KCNB2: variants seen among roughly 807,000 people sequenced by gnomAD.
KCNB2 encodes the protein potassium voltage-gated channel subfamily B member 2, also known as delayed rectifier potassium channel protein.
KCNB2 carries 15 observed loss-of-function variants against 61.5 expected under a neutral mutation model. That is an observed-to-expected ratio of 0.24 (90% CI 0.16 to 0.38). KCNB2 has a LOEUF of 0.38. Among genes scored for constraint, KCNB2 ranks in the 10% least tolerant of loss-of-function variants. The pLI, the probability that KCNB2 is intolerant of heterozygous loss-of-function variation, is 1.00. For missense variants in KCNB2, 828 were observed against 1,125.2 expected (o/e 0.74, Z 3.78); for synonymous variants, 457 against 446.0 (o/e 1.02, Z -0.31).
At chr8:72,702,420 T>C (rs1041514817) in intron 2 of KCNB2, among the ~76,000 whole-genome samples, 1 of 152,164 alleles carries the variant, frequency 6.6e-6, no homozygotes, top group East Asian at 1.9e-4. Flanking sequence ...TGTACCAGTA[T>C]CCTAAAATTA....
intron 2 of KCNB2, among the ~76,000 whole-genome samples, chr8:72,836,684 G>A (rs558639924): frequency 6.6e-5 from 10 of 152,320 alleles, no homozygotes; most frequent in African/African-American, 2.4e-4. Flanking sequence ...GCAGAAGCAG[G>A]TGGATTGCCT....
intron 2 of KCNB2, among the ~76,000 whole-genome samples, chr8:72,871,241 A>AT (rs1284915075): frequency 1.3e-5 from 2 of 152,220 alleles, no homozygotes; most frequent in Non-Finnish European, 2.9e-5. Context: ...TACCAAAGAA[A>AT]TTGAAAAATT....
intron 2 of KCNB2, among the ~76,000 whole-genome samples, chr8:72,904,163 G>C (rs1806132980): frequency 1.3e-5 from 2 of 151,830 alleles, no homozygotes; most frequent in Admixed American, 6.6e-5. Flanking sequence ...ATAGAAGTTG[G>C]CTGCATCACC....
chr8:72,805,836 A>C (rs2129000109), intron 2 of KCNB2, among the ~76,000 whole-genome samples: 1 of 152,284 alleles, frequency 6.6e-6, no homozygotes, highest in East Asian at 1.9e-4. Context: ...CCTTTGTGCA[A>C]AAAGAGACCT....
chr8:72,551,819 A>G (rs1316717616), intron 1 of KCNB2, among the ~76,000 whole-genome samples: 1 of 152,172 alleles, frequency 6.6e-6, no homozygotes, highest in African/African-American at 2.4e-5. Context: ...TGCTGCTTTC[A>G]TGCACTTCTT....
intron 2 of KCNB2, among the ~76,000 whole-genome samples, chr8:72,627,091 G>A (rs1805802762): frequency 6.6e-6 from 1 of 152,100 alleles, no homozygotes; most frequent in African/African-American, 2.4e-5. Context: ...AATTCTAAAA[G>A]CTCATGCCAA....
intron 2 of KCNB2, among the ~76,000 whole-genome samples, chr8:72,599,571 A>G (rs1807256814): frequency 6.6e-6 from 1 of 152,200 alleles, no homozygotes; most frequent in Non-Finnish European, 1.5e-5. Context: ...AGCAAAAGCA[A>G]TGGCAACAAA....
At chr8:72,720,681 T>A (rs1807534115) in intron 2 of KCNB2, among the ~76,000 whole-genome samples, 1 of 152,196 alleles carries the variant, frequency 6.6e-6, no homozygotes, top group Non-Finnish European at 1.5e-5. Context: ...GCACAGTGAC[T>A]AGCACATAGT....
At chr8:72,774,377 G>C (rs897379515) in intron 2 of KCNB2, among the ~76,000 whole-genome samples, 1 of 152,074 alleles carries the variant, frequency 6.6e-6, no homozygotes, top group African/African-American at 2.4e-5. Context: ...TTGAGACAGA[G>C]TCTTCCTTTG....
intron 2 of KCNB2, among the ~76,000 whole-genome samples, chr8:72,668,817 G>T (rs546015800): frequency 3.6e-4 from 54 of 151,942 alleles, no homozygotes; most frequent in Non-Finnish European, 2.4e-4. Context: ...ATGAGGACAG[G>T]GTTCATGTTA....
chr8:72,906,256 T>C (rs1283113698), intron 2 of KCNB2, among the ~76,000 whole-genome samples: 1 of 152,176 alleles, frequency 6.6e-6, no homozygotes, highest in East Asian at 1.9e-4. Flanking sequence ...GTTTAATTTA[T>C]TTAGCCATGT....
intron 2 of KCNB2, among the ~76,000 whole-genome samples, chr8:72,801,949 C>T (rs1316314727): frequency 2.0e-5 from 3 of 152,112 alleles, no homozygotes; most frequent in African/African-American, 7.2e-5. Flanking sequence ...AAGGGAAAAA[C>T]TTAACATTTA....
chr8:72,622,958 T>C (rs1437101911), intron 2 of KCNB2, among the ~76,000 whole-genome samples: 3 of 152,184 alleles, frequency 2.0e-5, no homozygotes, highest in Non-Finnish European at 4.4e-5. Context: ...CACCATCTAC[T>C]TGAGCTCAAA....
chr8:72,595,716 G>A (rs191361184), intron 2 of KCNB2, among the ~76,000 whole-genome samples: 37 of 152,226 alleles, frequency 2.4e-4, no homozygotes, highest in Admixed American at 7.2e-4. Flanking sequence ...CTGGTCATGT[G>A]TTCCCATAAC....
chr8:72,565,480 T>C (rs1806609619), intron 1 of KCNB2, among the ~76,000 whole-genome samples: 1 of 152,144 alleles, frequency 6.6e-6, no homozygotes, highest in Admixed American at 6.5e-5. Flanking sequence ...GTATTTTGGA[T>C]GAATTGCTTG....
intron 2 of KCNB2, among the ~76,000 whole-genome samples, chr8:72,607,776 A>T (rs569274141): frequency 6.6e-5 from 10 of 152,286 alleles, no homozygotes; most frequent in African/African-American, 1.9e-4. Flanking sequence ...CCATATATGC[A>T]CTTAATTTAG....
intron 2 of KCNB2, among the ~76,000 whole-genome samples, chr8:72,847,942 T>C (rs1314989198): frequency 6.6e-6 from 1 of 152,156 alleles, no homozygotes; most frequent in Non-Finnish European, 1.5e-5. Context: ...CAGAAATCTC[T>C]GTGGGAAGTA....
chr8:72,626,567 C>G (rs1422343681), intron 2 of KCNB2, among the ~76,000 whole-genome samples: 1 of 152,162 alleles, frequency 6.6e-6, no homozygotes, highest in East Asian at 1.9e-4. Flanking sequence ...CTAGTTCTGT[C>G]TAGACATTGT....
At chr8:72,822,250 T>C (rs1809524751) in intron 2 of KCNB2, among the ~76,000 whole-genome samples, 1 of 152,254 alleles carries the variant, frequency 6.6e-6, no homozygotes, top group Admixed American at 6.5e-5. Flanking sequence ...TAGTGTTTGC[T>C]GGTTAATTGT....
Sources: gnomAD v4.1 joint callset for allele counts (sites outside exome capture counted in the v4.1 genomes callset) on GRCh38, gnomAD v4.1.1 for gene constraint, MANE v1.5 for transcripts, NCBI Gene and HGNC (gene_info 2026-07-23, HGNC 2026-07-21) for gene names.